The following EFCAB12 variants were observed in gnomAD, a reference collection of about 807,000 sequenced individuals.
EFCAB12 encodes the protein EF-hand calcium-binding domain-containing protein 12.
In EFCAB12, 43 loss-of-function variants were observed where a neutral mutation model predicts 53.6. The observed-to-expected ratio is 0.80, with a 90% confidence interval of 0.63 to 1.03. The LOEUF is 1.03. EFCAB12 is among the 50% of genes least tolerant of loss of function. The pLI is 0.00. For missense variants in EFCAB12, 646 were observed against 730.6 expected (o/e 0.88, Z 1.34); for synonymous variants, 269 against 289.2 (o/e 0.93, Z 0.71).
At chr3:129,409,247 C>T (rs1326074999) in intron 5 of EFCAB12, among the ~76,000 whole-genome samples, 4 of 152,172 alleles carry the variant, frequency 2.6e-5, no homozygotes, top group Non-Finnish European at 4.4e-5. Context: ...CCCAGGAGTC[C>T]GAGATCAGCC....
chr3:129,422,542 C>T (rs762530187), intron 1 of EFCAB12, among the ~76,000 whole-genome samples: 18 of 152,190 alleles, frequency 1.2e-4, no homozygotes, highest in African/African-American at 3.1e-4. Context: ...GGGGTTGGCA[C>T]GTGCTCCTCC....
intron 8 of EFCAB12, 60 bp from the exon 9 acceptor site, chr3:129,401,911 C>T: frequency 6.4e-7 from 1 of 1,560,984 alleles, no homozygotes. Context: ...GCTGAGGCTT[C>T]ATCGCAGAGC....
chr3:129,417,736 A>C (rs1013698597), intron 3 of EFCAB12, among the ~76,000 whole-genome samples: 1 of 152,202 alleles, frequency 6.6e-6, no homozygotes, highest in African/African-American at 2.4e-5. Flanking sequence ...ATTGATTTAA[A>C]TTAATAAATA....
In EFCAB12 at chr3:129,401,624, T is replaced by A. The variant is rs200434405; in HGVS notation, c.1688A>T (p.Tyr563Phe). ...RNKNYMTHAH[Y>F]DAAKVYYIN is the part of the protein sequence containing the mutation. ...GATGTAGTACACCTTGGCGGCATCA[T>A]AATGGGCGTGGGTCATGTAGTTCTT... The change falls in exon 9 of 9, where the codon TAT becomes TTT. Residue 563 changes from tyrosine (Y) to phenylalanine (F), a missense_variant. Transcript: ENST00000505956. 3.8e-6 allele frequency: 6 copies of A among 1,568,396 alleles called. No individual in the cohort carries two copies. The South Asian group carries it at 4.7e-5, about 12-fold the overall frequency.
intron 4 of EFCAB12, chr3:129,413,541 A>C (rs2072073684): frequency 6.6e-6 from 1 of 152,234 alleles, no homozygotes; most frequent in African/African-American, 2.4e-5. Context: ...AGAAAGATGT[A>C]TGGAAACAGA....
intron 5 of EFCAB12, among the ~76,000 whole-genome samples, chr3:129,410,423 C>CCTCTCA (rs916741293): frequency 6.6e-6 from 1 of 151,752 alleles, no homozygotes; most frequent in African/African-American, 2.4e-5. Context: ...CTCAGGCAGT[C>CCTCTCA]CTCTCACCTC....
rs777837328 is a variant in EFCAB12 at position 129,415,397 on chromosome 3, C to G, written c.686G>C (p.Gly229Ala). Residue 229 changes from glycine (G) to alanine (A), a missense_variant, in exon 4 of 9, where the codon GGA (glycine) becomes GCA (alanine). Physicochemically the swap from Gly to Ala is moderately conservative, Grantham distance 60 (BLOSUM62 0). Transcript: ENST00000505956. Reference sequence around the variant, plus strand: ...CACCTCTTGGTTCTTCAGAGGGACTCCGACCTGAGGAGAGAGAAGACCTTC... The same window carrying G: ...CACCTCTTGGTTCTTCAGAGGGACTGCGACCTGAGGAGAGAGAAGACCTTC... ...EEFIAAVKAVGVPLKNQEVED... is the reference protein window; with the variant it reads ...EEFIAAVKAVAVPLKNQEVED... The G allele has an allele frequency of 8.1e-6, 13 of 1,613,668 alleles. No individual in the cohort carries two copies. In the South Asian group the frequency reaches 1.2e-4, roughly 15 times the overall value.
intron 7 of EFCAB12, 98 bp from the exon 8 acceptor site, chr3:129,402,677 T>C (rs2071889186): frequency 2.5e-6 from 3 of 1,191,482 alleles, no homozygotes; most frequent in African/African-American, 1.5e-5. Context: ...GACCCGTTTC[T>C]AAGTCTCAAA....
chr3:129,418,267 G>A lies in EFCAB12; in HGVS notation c.668C>T (p.Ala223Val), dbSNP rs200926342. The A allele has an allele frequency of 1.2e-4, 188 of 1,610,462 alleles. 3 individuals are homozygous for A. The highest frequency in any genetic ancestry group is 7.5e-4 in the South Asian group (68 of 90,578). The stretch of plus-strand genomic sequence containing the variant: ...GGTGGCACTTACTGCCTTTACAGCC[G>A]CGATGAACTCCTCCCTGGTGATTCT... Reference protein sequence around the residue: ...NQRITREEFIAAVKAVGVPLK... With the variant: ...NQRITREEFIVAVKAVGVPLK... Residue 223 changes from alanine to valine, a missense_variant, in exon 3 of 9, where the codon GCG (alanine) becomes GTG (valine). Physicochemically the swap from Ala to Val is moderately conservative, Grantham distance 64. Transcript: ENST00000505956.
intron 1 of EFCAB12, among the ~76,000 whole-genome samples, chr3:129,427,595 G>C (rs971939679): frequency 2.0e-5 from 3 of 152,180 alleles, no homozygotes; most frequent in African/African-American, 7.2e-5. Context: ...AGCCTCTCCA[G>C]CTCTCCCTGT....
chr3:129,403,070 A>G lies in EFCAB12; in HGVS notation c.1404-491T>C, dbSNP rs78703520. ...CTTTCCCACCCAGCCTCCATCAACC[A>G]TAAGTAGCAAGATACAGTCAACGTC... On this transcript the variant is annotated intron_variant, in intron 7 of 8. Transcript: ENST00000505956. 4.9e-3 allele frequency: 789 copies of G among 160,520 alleles called. 4 individuals carry two copies. The highest frequency in any genetic ancestry group is 0.033 in the Middle Eastern group (10 of 300). 9.9% of individuals were successfully genotyped at this position (160,520 alleles called of 1,614,324 possible).
rs1320398891 is a variant in EFCAB12 at position 129,421,888 on chromosome 3, C to A, written c.50-85G>T. On this transcript the variant is annotated intron_variant, in intron 1 of 8. Coordinates refer to ENST00000505956, the MANE Select transcript of EFCAB12 (RefSeq NM_207307.3). ...GAAGGAAAAACACTTTTGCTCCAGG[C>A]TGGGCAACAGGGCCCTGGATCCCAG... is the stretch of plus-strand genomic sequence containing the variant. 43 of 1,364,854 alleles carry A rather than the reference C, an allele frequency of 3.2e-5. No homozygotes were observed. The South Asian group carries it at 5.0e-4, about 16-fold the overall frequency. The allele number at this position is 1,364,854 out of a possible 1,614,324, so 84.5% of individuals were successfully genotyped here. A position where few individuals can be genotyped will look rare whatever the true frequency, so the allele number is the denominator to read the frequency against.
At chr3:129,407,146 G>C (rs1000739340) in intron 6 of EFCAB12, among the ~76,000 whole-genome samples, 1 of 152,210 alleles carries the variant, frequency 6.6e-6, no homozygotes, top group African/African-American at 2.4e-5. Context: ...GAGACAACAG[G>C]TGTGCATGTG....
intron 1 of EFCAB12, among the ~76,000 whole-genome samples, chr3:129,425,095 A>G (rs2072254979): frequency 6.6e-6 from 1 of 152,128 alleles, no homozygotes; most frequent in African/African-American, 2.4e-5. Context: ...TTAGTGGGAA[A>G]TAAGGTTGGC....
At chr3:129,409,969 CA>C (rs1277844383) in intron 5 of EFCAB12, among the ~76,000 whole-genome samples, 1 of 151,778 alleles carries the variant, frequency 6.6e-6, no homozygotes, top group Non-Finnish European at 1.5e-5. Context: ...GGTATAAATA[CA>C]AATATGTATT....
At chr3:129,419,440 G>A (rs1046790641) in intron 2 of EFCAB12, among the ~76,000 whole-genome samples, 7 of 152,200 alleles carry the variant, frequency 4.6e-5, no homozygotes, top group African/African-American at 1.4e-4. Context: ...GGGCCTTTAA[G>A]AGGTGATTGG....
At chr3:129,428,311 A>T in intron 1 of EFCAB12, 129 bp downstream of exon 1, 4 of 1,285,060 alleles carry the variant, frequency 3.1e-6, no homozygotes, top group South Asian at 2.5e-5. Flanking sequence ...CCTGCCCCCG[A>T]CTCCATGGCA....
chr3:129,418,145 C>T, intron 3 of EFCAB12, 109 bp downstream of exon 3: 1 of 1,040,880 alleles, frequency 9.6e-7, no homozygotes, highest in Admixed American at 2.9e-5. Context: ...GTCTACTTCT[C>T]AGTTGAACCA....
intron 3 of EFCAB12, among the ~76,000 whole-genome samples, chr3:129,415,770 G>T (rs2072108209): frequency 6.6e-6 from 1 of 152,152 alleles, no homozygotes; most frequent in Admixed American, 6.5e-5. Flanking sequence ...TACGAAGCAT[G>T]ATTTCACATG....
Sources: gnomAD v4.1 joint callset for allele counts (sites outside exome capture counted in the v4.1 genomes callset) on GRCh38, gnomAD v4.1.1 for gene constraint, MANE v1.5 for transcripts, NCBI Gene and HGNC (gene_info 2026-07-23, HGNC 2026-07-21) for gene names.